The following PYGL variants were observed in gnomAD, a reference collection of about 807,000 sequenced individuals.
PYGL encodes glycogen phosphorylase, liver form.
Under a neutral mutation model 100.1 loss-of-function variants are expected in PYGL, and 90 were observed. That is an observed-to-expected ratio of 0.90 (90% CI 0.76 to 1.07). The LOEUF (loss-of-function observed/expected upper bound fraction) is 1.07. Among genes scored for constraint, PYGL ranks in the 50% least tolerant of loss-of-function variants. The probability of loss-of-function intolerance (pLI) is 0.00; values close to 1 mark genes in which losing one functional copy is unlikely to be tolerated. For missense variants in PYGL, 1,016 were observed against 1,057.6 expected, an observed-to-expected ratio of 0.96 and a Z score of 0.55; for synonymous variants, 373 against 393.0, an observed-to-expected ratio of 0.95 and a Z score of 0.60.
chr14:50,924,167 T>C lies in PYGL; in HGVS notation c.529-67A>G, dbSNP rs915207713. On this transcript the variant is annotated intron_variant, in intron 4 of 19. Coordinates refer to ENST00000216392, the MANE Select transcript of PYGL (RefSeq NM_002863.5). Reference sequence around the variant, plus strand: ...AAATATGAACCTAGCACTTCAATTATATTATATTAAATTTAAAACATCTTT... The same window carrying C: ...AAATATGAACCTAGCACTTCAATTACATTATATTAAATTTAAAACATCTTT... The C allele has an allele frequency of 2.6e-6, 4 of 1,535,862 alleles. No individual in the cohort carries two copies. The South Asian group carries it at 3.4e-5, about 13-fold the overall frequency.
rs773826826 is a variant in PYGL at position 50,914,761 on chromosome 14, C to A, written c.1458G>T (p.Gly486=). The A allele has an allele frequency of 7.4e-6, 12 of 1,613,938 alleles. 1 individual carries two copies. The South Asian group carries it at 1.2e-4, about 16-fold the overall frequency. The part of the protein sequence containing the change: ...EPDKFQNKTN[G]ITPRRWLLLC... ...GTAGGAGCCAGCGCCTTGGAGTGAT[C>A]CCATTGGTTTTATTCTGAAACTTGT... is the stretch of plus-strand genomic sequence containing the variant. Residue 486 remains glycine, a synonymous_variant, in exon 12 of 20, where the codon GGG becomes GGT. Transcript: ENST00000216392.
intron 13 of PYGL, among the ~76,000 whole-genome samples, chr14:50,912,803 A>T (rs903694207): frequency 6.6e-6 from 1 of 152,010 alleles, no homozygotes; most frequent in East Asian, 1.9e-4. Flanking sequence ...AAAATACAAA[A>T]ATTAGCCGGG....
At position 50,931,752 on chromosome 14, in the gene PYGL, G is replaced by T. The variant is rs1596047964; in HGVS notation, c.449C>A (p.Thr150Asn). Residue 150 changes from threonine (T) to asparagine (N), a missense_variant, in exon 4 of 20, where the codon ACC (threonine) becomes AAC (asparagine). Coordinates refer to ENST00000216392, the MANE Select transcript of PYGL (RefSeq NM_002863.5). ...GTATCCATAGGCTGCAAGTCCCAGG[G>T]TTGCCATGGAATCCAAGAAGCAGGC... ...LAACFLDSMATLGLAAYGYGI... is the reference protein window; with the variant it reads ...LAACFLDSMANLGLAAYGYGI... 1 of 1,613,830 alleles carries T rather than the reference G, an allele frequency of 6.2e-7. No individual in the cohort carries two copies. Among genetic ancestry groups the T allele is most frequent in the African/African-American group, 1.3e-5 (1 of 74,958 alleles).
intron 19 of PYGL, 27 bp from the exon 20 acceptor site, chr14:50,905,583 C>T: frequency 6.2e-7 from 1 of 1,610,710 alleles, no homozygotes; most frequent in Admixed American, 1.7e-5. Flanking sequence ...CATATACAGC[C>T]CAGAGTCCCA....
intron 2 of PYGL, among the ~76,000 whole-genome samples, chr14:50,937,292 A>G (rs1178583783): frequency 1.3e-5 from 2 of 152,242 alleles, no homozygotes; most frequent in African/African-American, 2.4e-5. Flanking sequence ...AGCAACAGAG[A>G]AAGTATGACA....
chr14:50,917,310 A>G (rs2050462170), intron 7 of PYGL, among the ~76,000 whole-genome samples: 1 of 152,232 alleles, frequency 6.6e-6, no homozygotes, highest in Non-Finnish European at 1.5e-5. Flanking sequence ...AAAGGCATAC[A>G]GATAAAAGAT....
At position 50,912,261 on chromosome 14, in the gene PYGL, T is replaced by G. The variant is rs769982974; in HGVS notation, c.1663A>C (p.Lys555Gln). The G allele has an allele frequency of 6.2e-7, 1 of 1,614,132 alleles. No individual in the cohort carries two copies. The highest frequency in any genetic ancestry group is 8.5e-7 in the Non-Finnish European group (1 of 1,179,954). The stretch of plus-strand genomic sequence containing the variant: ...ATGGAGGATGGGTTGATCTTCACTT[T>G]GTACTCCGTCTCCAGGAACTGAGAA... Reference protein sequence around the residue: ...KFSQFLETEYKVKINPSSMFD... With the variant: ...KFSQFLETEYQVKINPSSMFD... The change falls in exon 14 of 20, where the codon AAA becomes CAA. Residue 555 changes from lysine to glutamine, a missense_variant. Lys to Gln is a moderately conservative substitution (Grantham distance 53). Transcript: ENST00000216392.
At chr14:50,936,839 C>T (rs1042019743) in intron 2 of PYGL, among the ~76,000 whole-genome samples, 1 of 151,768 alleles carries the variant, frequency 6.6e-6, no homozygotes. Context: ...AGACATGGAT[C>T]ACATCACCCT....
At chr14:50,923,860 A>G in intron 5 of PYGL, 109 bp downstream of exon 5, 1 of 1,326,496 alleles carries the variant, frequency 7.5e-7, no homozygotes, top group Non-Finnish European at 1.1e-6. Flanking sequence ...ATTATTCAAA[A>G]CACGACATGC....
chr14:50,920,542 T>A lies in PYGL; in HGVS notation c.854A>T (p.Asn285Ile). 1 of 1,609,090 alleles carries A rather than the reference T, an allele frequency of 6.2e-7. No individual in the cohort carries two copies. Among genetic ancestry groups the A allele is most frequent in the East Asian group, 2.2e-5 (1 of 44,836 alleles). Residue 285 changes from asparagine to isoleucine, a missense_variant and splice_region_variant, in exon 7 of 20, where the codon AAT (asparagine) becomes ATT (isoleucine). Transcript: ENST00000216392. ...AAGAAAGCAACCTTGATCACTCACA[T>A]TGTCATTGGGATAGAGGACCCGGGA... ...NISRVLYPND[N>I]FFEGKELRLK...
chr14:50,931,380 T>C (rs1183893588), intron 4 of PYGL, among the ~76,000 whole-genome samples: 2 of 152,198 alleles, frequency 1.3e-5, no homozygotes, highest in African/African-American at 2.4e-5. Flanking sequence ...CATCACACAT[T>C]GTAGGTGCTC....
At chr14:50,939,826 G>A (rs552197489) in intron 1 of PYGL, among the ~76,000 whole-genome samples, 6 of 152,154 alleles carry the variant, frequency 3.9e-5, no homozygotes, top group South Asian at 2.1e-4. Context: ...TAATAAAGGC[G>A]TATTATCATA....
In PYGL at chr14:50,912,199, C is replaced by T. The variant is rs138867379; in HGVS notation, c.1725G>A (p.Lys575=). Residue 575 remains lysine, a synonymous_variant, in exon 14 of 20, where the codon AAG becomes AAA. Transcript: ENST00000216392. ...DVQVKRIHEY[K]RQLLNCLHVI... is the part of the protein sequence containing the mutation. ...CATGCAGACAGTTCAAGAGCTGTCG[C>T]TTGTACTCATGTATCCTCTTCACCT... is the stretch of plus-strand genomic sequence containing the variant. 9 of 1,614,178 alleles carry T rather than the reference C, an allele frequency of 5.6e-6. No individual in the cohort carries two copies. Among genetic ancestry groups the T allele is most frequent in the Non-Finnish European group, 6.8e-6 (8 of 1,180,040 alleles).
intron 7 of PYGL, among the ~76,000 whole-genome samples, chr14:50,919,890 G>T (rs1387744392): frequency 6.6e-6 from 1 of 151,944 alleles, no homozygotes. Context: ...CGTCATGTTG[G>T]CCAGGCTGGT....
At chr14:50,925,103 A>G (rs902764573) in intron 4 of PYGL, among the ~76,000 whole-genome samples, 6 of 152,198 alleles carry the variant, frequency 3.9e-5, no homozygotes, top group Admixed American at 2.6e-4. Context: ...GCTGCCTACT[A>G]CACACCTGAG....
chr14:50,908,700 G>A, intron 18 of PYGL, 121 bp downstream of exon 18: 1 of 1,367,494 alleles, frequency 7.3e-7, no homozygotes. Flanking sequence ...CTACATGAGT[G>A]GGTTTAAGTT....
chr14:50,942,735 C>G (rs978480236), intron 1 of PYGL, among the ~76,000 whole-genome samples: 2 of 128,644 alleles, frequency 1.6e-5, no homozygotes, highest in African/African-American at 5.2e-5. Flanking sequence ...GCAGGAGAAT[C>G]GCTTCAACCC....
chr14:50,921,144 T>G (rs2050497348), intron 5 of PYGL, 77 bp from the exon 6 acceptor site: 1 of 1,137,742 alleles, frequency 8.8e-7, no homozygotes, highest in East Asian at 2.4e-5. Flanking sequence ...GCTGGGAGAC[T>G]GCAATGGAAT....
At chr14:50,911,621 C>G in intron 16 of PYGL, 109 bp downstream of exon 16, 2 of 1,406,780 alleles carry the variant, frequency 1.4e-6, no homozygotes, top group Non-Finnish European at 2.0e-6. Context: ...AAGAGTGACA[C>G]CTTCTATCCT....
Sources: gnomAD v4.1 joint callset for allele counts (sites outside exome capture counted in the v4.1 genomes callset) on GRCh38, gnomAD v4.1.1 for gene constraint, MANE v1.5 for transcripts, NCBI Gene and HGNC (gene_info 2026-07-23, HGNC 2026-07-21) for gene names.